The following CLPB variants were observed in gnomAD, a reference collection of about 807,000 sequenced individuals.
CLPB encodes ClpB family mitochondrial disaggregase.
Under a neutral mutation model 78.4 loss-of-function variants are expected in CLPB, and 40 were observed. That is an observed-to-expected ratio of 0.51 (90% CI 0.40 to 0.66). The LOEUF (loss-of-function observed/expected upper bound fraction) is 0.66. Ranked by LOEUF, CLPB falls within the 30% of genes least tolerant of loss-of-function variation. The pLI is 0.00. For synonymous variants in CLPB, 333 were observed against 348.0 expected (o/e 0.96, Z 0.48); for missense variants, 780 against 886.9 (o/e 0.88, Z 1.53).
rs920003864 is a variant in CLPB, at chr11:72,312,383, C to T, written c.989-3779G>A. Among the ~76,000 whole-genome samples the T allele has an allele frequency of 2.0e-5, 3 of 152,070 alleles. No individual in the cohort carries two copies. Among genetic ancestry groups the T allele is most frequent in the Non-Finnish European group, 4.4e-5 (3 of 68,012 alleles). The stretch of plus-strand genomic sequence containing the variant: ...GTTATCTCCATTTTACACAGGATAC[C>T]GAGGCTCAGAGACGGGCAGTGTAAG... On this transcript the variant is annotated intron_variant, in intron 7 of 15. Coordinates refer to ENST00000538039, the MANE Select transcript of CLPB (RefSeq NM_001258392.3). This position sits in a 1 kb window ranked among gnomAD's most constrained non-coding sequence, Gnocchi z 4.2.
intron 11 of CLPB, among the ~76,000 whole-genome samples, chr11:72,299,601 C>A (rs1166157783): frequency 6.6e-6 from 1 of 152,186 alleles, no homozygotes; most frequent in Non-Finnish European, 1.5e-5. Context: ...ACTTACTAAC[C>A]CTTTGAAGGT....
chr11:72,295,415 C>T (rs1949532201), intron 12 of CLPB, 77 bp downstream of exon 12: 4 of 1,519,658 alleles, frequency 2.6e-6, no homozygotes, highest in African/African-American at 2.7e-5. Flanking sequence ...GGGCCCAGGG[C>T]CCCAATCCCA....
chr11:72,328,537 C>T (rs1187004154), intron 6 of CLPB, among the ~76,000 whole-genome samples: 3 of 152,174 alleles, frequency 2.0e-5, no homozygotes, highest in South Asian at 2.1e-4. Flanking sequence ...GGATCAGAAC[C>T]CACATCTCTT....
chr11:72,420,528 G>A (rs1023674633), intron 2 of CLPB, among the ~76,000 whole-genome samples: 12 of 152,034 alleles, frequency 7.9e-5, no homozygotes, highest in African/African-American at 2.9e-4. Context: ...ATAATATTCA[G>A]TGAGTATTTG....
chr11:72,320,542 T>C (rs1487839364), intron 6 of CLPB, among the ~76,000 whole-genome samples: 6 of 152,120 alleles, frequency 3.9e-5, no homozygotes, highest in African/African-American at 1.2e-4. Context: ...CAGATATCTA[T>C]GCCAATTCAC....
chr11:72,375,965 A>T (rs750283974), intron 4 of CLPB, among the ~76,000 whole-genome samples: 1 of 152,152 alleles, frequency 6.6e-6, no homozygotes. Context: ...CACAAACTAC[A>T]CCTTCCTTCC....
At chr11:72,372,871 T>A in intron 4 of CLPB, 1 of 1,487,598 alleles carries the variant, frequency 6.7e-7, no homozygotes, top group Admixed American at 1.7e-5. Flanking sequence ...GATGAGACCA[T>A]CCTTGGCATG....
At chr11:72,433,985 C>T (rs1262700155) in intron 1 of CLPB, 87 bp downstream of exon 1, 9 of 1,493,412 alleles carry the variant, frequency 6.0e-6, no homozygotes, top group Middle Eastern at 3.5e-4. Flanking sequence ...AGGATCTAAA[C>T]CTATAAGTAC....
At chr11:72,371,308 T>C (rs1015294121) in intron 4 of CLPB, among the ~76,000 whole-genome samples, 1 of 152,012 alleles carries the variant, frequency 6.6e-6, no homozygotes, top group African/African-American at 2.4e-5. Flanking sequence ...GGTGGGCAGA[T>C]TGCCTGAGCT....
At chr11:72,315,052 T>C (rs142582901) in intron 7 of CLPB, among the ~76,000 whole-genome samples, 8 of 151,962 alleles carry the variant, frequency 5.3e-5, no homozygotes, top group Non-Finnish European at 7.4e-5. Flanking sequence ...CTGGTTCAGA[T>C]AGGAGACGTG....
chr11:72,369,565 C>T (rs1045000165), intron 4 of CLPB, among the ~76,000 whole-genome samples: 4 of 151,812 alleles, frequency 2.6e-5, no homozygotes, highest in African/African-American at 7.3e-5. Context: ...CTGTGTTCCC[C>T]GTCTCTACAC....
intron 11 of CLPB, among the ~76,000 whole-genome samples, chr11:72,297,705 C>CTGTGTGTG (rs1949581777): frequency 1.1e-5 from 1 of 94,188 alleles, no homozygotes; most frequent in Non-Finnish European, 2.4e-5. Context: ...GTGTGTGTGA[C>CTGTGTGTG]ATGTCCAAGC....
At chr11:72,363,229 G>A (rs1451010817) in intron 4 of CLPB, among the ~76,000 whole-genome samples, 1 of 151,806 alleles carries the variant, frequency 6.6e-6, no homozygotes, top group Non-Finnish European at 1.5e-5. Context: ...GAAGGAGGGA[G>A]GGCACAGTGA....
intron 1 of CLPB, among the ~76,000 whole-genome samples, chr11:72,433,186 C>CA (rs762260759): frequency 1.3e-5 from 2 of 152,160 alleles, no homozygotes; most frequent in Non-Finnish European, 2.9e-5. Flanking sequence ...CTGAGACTGA[C>CA]AGACTCAGGC....
At chr11:72,302,950 A>T (rs1949685020) in intron 9 of CLPB, 1 of 154,152 alleles carries the variant, frequency 6.5e-6, no homozygotes, top group Non-Finnish European at 1.4e-5. Flanking sequence ...TCATTAAAAA[A>T]GATATCCATA....
chr11:72,401,095 T>C (rs1855547323), intron 3 of CLPB, among the ~76,000 whole-genome samples: 2 of 152,250 alleles, frequency 1.3e-5, no homozygotes, highest in South Asian at 4.1e-4. Flanking sequence ...GAACCAGGAC[T>C]GGACTCTAGG....
chr11:72,398,875 C>T (rs1309329637), intron 3 of CLPB, among the ~76,000 whole-genome samples: 2 of 152,152 alleles, frequency 1.3e-5, no homozygotes, highest in Non-Finnish European at 2.9e-5. Flanking sequence ...TTTGGCAGCA[C>T]GGCTACTGAA....
rs751410977 is a variant in CLPB, at chr11:72,430,297, TG to T, written c.455+14del. 1.2e-6 allele frequency: 2 copies of T among 1,611,830 alleles called. No individual in the cohort carries two copies. Among genetic ancestry groups the T allele is most frequent in the East Asian group, 4.5e-5 (2 of 44,834 alleles). ...CTCTCCTGTAGGGGAGAGCAAGGCCTGGGGTTCAACTCACCTGCTGACTTCT... is the reference window on the plus strand; with the variant it reads ...CTCTCCTGTAGGGGAGAGCAAGGCCTGGGTTCAACTCACCTGCTGACTTCT... On this transcript the variant is annotated intron_variant, in intron 2 of 15. Coordinates refer to ENST00000538039, the MANE Select transcript of CLPB (RefSeq NM_001258392.3).
At chr11:72,309,098 C>G (rs895591536) in intron 7 of CLPB, among the ~76,000 whole-genome samples, 11 of 152,142 alleles carry the variant, frequency 7.2e-5, no homozygotes, top group African/African-American at 2.4e-4. Context: ...GTCTGGTCCA[C>G]TGTCTGGGTC....
Sources: gnomAD v4.1 joint callset for allele counts (sites outside exome capture counted in the v4.1 genomes callset) on GRCh38, gnomAD v4.1.1 for gene constraint, Gnocchi (gnomAD v3.1) non-coding constraint, MANE v1.5 for transcripts, NCBI Gene and HGNC (gene_info 2026-07-23, HGNC 2026-07-21) for gene names.